BCAS1: variants seen among roughly 807,000 people sequenced by gnomAD.
BCAS1 encodes the protein breast carcinoma-amplified sequence 1.
A neutral mutation model predicts 65.4 loss-of-function variants in BCAS1; 46 were observed. The ratio of observed to expected loss-of-function variants is 0.70; its 90% confidence interval spans 0.55 to 0.90. The LOEUF (loss-of-function observed/expected upper bound fraction) is 0.90. Among genes scored for constraint, BCAS1 ranks in the 40% least tolerant of loss-of-function variants. The pLI is 0.00. For missense variants in BCAS1, 793 were observed against 771.2 expected (o/e 1.03, Z -0.33); for synonymous variants, 298 against 293.5 (o/e 1.02, Z -0.16).
chr20:53,983,146 A>T (rs550069514), intron 8 of BCAS1, among the ~76,000 whole-genome samples: 7 of 152,244 alleles, frequency 4.6e-5, no homozygotes, highest in Admixed American at 4.6e-4. Flanking sequence ...GAACCACTGT[A>T]TCTCTTGTAG....
intron 4 of BCAS1, among the ~76,000 whole-genome samples, chr20:54,011,798 T>C (rs2091326794): frequency 1.3e-5 from 2 of 152,160 alleles, no homozygotes; most frequent in Admixed American, 1.3e-4. Context: ...TGACCCTGGG[T>C]GGCTGAGCCA....
Position 54,008,639 on chromosome 20 carries a change from G to A in BCAS1, c.724-12589C>T, listed in dbSNP as rs1026765584. Among the ~76,000 whole-genome samples the A allele has an allele frequency of 6.6e-5, 10 of 152,136 alleles. No homozygotes were observed. In the East Asian group the frequency reaches 1.2e-3, roughly 18 times the overall value. Reference sequence around the variant, plus strand: ...CCGGGACAGCCAGCTAAAATAGAAAGTTTAAGCAAGATGCAGTCTCATAAT... The same window carrying A: ...CCGGGACAGCCAGCTAAAATAGAAAATTTAAGCAAGATGCAGTCTCATAAT... On this transcript the variant is annotated intron_variant, in intron 4 of 12. Transcript: ENST00000688948.
At chr20:54,055,146 A>G (rs2092277366) in intron 3 of BCAS1, among the ~76,000 whole-genome samples, 1 of 152,216 alleles carries the variant, frequency 6.6e-6, no homozygotes, top group South Asian at 2.1e-4. Flanking sequence ...ATTAAACATA[A>G]GAAGATAATT....
Position 53,954,336 on chromosome 20 carries a change from G to GAGAGAGAGAGAGAGAGA in BCAS1, c.1552-642_1552-641insTCTCTCTCTCTCTCTCT, listed in dbSNP as rs1159772238. On this transcript the variant is annotated intron_variant, in intron 11 of 12. Transcript: ENST00000688948. ...GAGAGAGAGAGAGAGAGAGAGAGAG[G>GAGAGAGAGAGAGAGAGA]GACCAGGCATTGATGGTATCATGCG... 2.7e-3 allele frequency among the ~76,000 whole-genome samples: 230 copies of GAGAGAGAGAGAGAGAGA among 84,002 alleles called. 4 individuals are homozygous for GAGAGAGAGAGAGAGAGA. Among genetic ancestry groups the GAGAGAGAGAGAGAGAGA allele is most frequent in the Non-Finnish European group, 3.1e-3 (119 of 37,784 alleles). 55.1% of individuals were successfully genotyped at this position (84,002 alleles called of 152,430 possible). A position where few individuals can be genotyped will look rare whatever the true frequency, so the allele number is the denominator to read the frequency against.
At chr20:54,050,512 G>A (rs574754475) in intron 3 of BCAS1, among the ~76,000 whole-genome samples, 2 of 152,330 alleles carry the variant, frequency 1.3e-5, no homozygotes, top group South Asian at 2.1e-4. Flanking sequence ...GGTTCTATGG[G>A]AGAGGATGAA....
At chr20:53,984,443 T>C (rs997370452) in intron 8 of BCAS1, among the ~76,000 whole-genome samples, 2 of 152,154 alleles carry the variant, frequency 1.3e-5, no homozygotes, top group African/African-American at 4.8e-5. Flanking sequence ...TCCAGCTGGA[T>C]TCTGGACGAC....
At chr20:54,055,143 A>G (rs1451824914) in intron 3 of BCAS1, among the ~76,000 whole-genome samples, 2 of 152,208 alleles carry the variant, frequency 1.3e-5, no homozygotes, top group South Asian at 4.1e-4. Flanking sequence ...CATATTAAAC[A>G]TAAGAAGATA....
At chr20:53,967,858 GT>G (rs1445767760) in intron 9 of BCAS1, among the ~76,000 whole-genome samples, 1 of 152,340 alleles carries the variant, frequency 6.6e-6, no homozygotes, top group East Asian at 1.9e-4. Flanking sequence ...ATCTGGGACA[GT>G]TTCTGCATTT....
At chr20:53,956,465 G>C (rs116320356) in intron 11 of BCAS1, among the ~76,000 whole-genome samples, 181 of 152,326 alleles carry the variant, frequency 1.2e-3, no homozygotes, top group African/African-American at 4.2e-3. Flanking sequence ...ATGGCATTTT[G>C]TTATGGCAGC....
chr20:53,945,819 C>T (rs1466982183), intron 12 of BCAS1, among the ~76,000 whole-genome samples: 1 of 152,106 alleles, frequency 6.6e-6, no homozygotes, highest in Non-Finnish European at 1.5e-5. Context: ...GTTGCCTAGG[C>T]TGAAGTACAG....
At chr20:53,981,395 A>G (rs1600772028) in intron 8 of BCAS1, among the ~76,000 whole-genome samples, 2 of 152,314 alleles carry the variant, frequency 1.3e-5, no homozygotes, top group South Asian at 4.1e-4. Context: ...TAAGTTCTTA[A>G]GTCTATTTTG....
chr20:54,041,604 TG>T (rs2091993012), intron 3 of BCAS1, among the ~76,000 whole-genome samples: 1 of 152,010 alleles, frequency 6.6e-6, no homozygotes, highest in Admixed American at 6.6e-5. Context: ...CAGCTGTGGC[TG>T]GGTACGGTGG....
intron 7 of BCAS1, among the ~76,000 whole-genome samples, chr20:53,991,583 C>T (rs978087057): frequency 3.3e-5 from 5 of 152,168 alleles, no homozygotes; most frequent in South Asian, 2.1e-4. Context: ...CAAACACTGG[C>T]GTCTTCTTAG....
chr20:54,065,912 A>G (rs1243336426), intron 1 of BCAS1, among the ~76,000 whole-genome samples: 1 of 152,162 alleles, frequency 6.6e-6, no homozygotes, highest in Non-Finnish European at 1.5e-5. Context: ...TGAGGAATAG[A>G]GATAAGCTGT....
chr20:54,065,101 GTATCTATCTATCATCTATC>G (rs1224453166), intron 1 of BCAS1, among the ~76,000 whole-genome samples: 1 of 146,034 alleles, frequency 6.8e-6, no homozygotes, highest in Admixed American at 6.9e-5. Context: ...TTTATGATGA[GTATCTATCTATCATCTATC>G]TATCTATCTA....
intron 10 of BCAS1, among the ~76,000 whole-genome samples, chr20:53,962,105 C>A (rs967912755): frequency 2.6e-5 from 4 of 152,194 alleles, no homozygotes; most frequent in Admixed American, 6.5e-5. Context: ...CTTCAGAAAT[C>A]TTTCCTTAAA....
intron 4 of BCAS1, among the ~76,000 whole-genome samples, chr20:54,015,333 C>CTTT (rs557558034): frequency 6.8e-6 from 1 of 147,928 alleles, no homozygotes; most frequent in Non-Finnish European, 1.5e-5. Flanking sequence ...TGCCCAAACT[C>CTTT]TTTTTTTTTT....
chr20:53,976,113 C>A (rs1437645252), intron 8 of BCAS1, among the ~76,000 whole-genome samples: 1 of 152,200 alleles, frequency 6.6e-6, no homozygotes, highest in Non-Finnish European at 1.5e-5. Context: ...CATATACAGT[C>A]CTGCCCCAAG....
rs565448520 is a variant in BCAS1, at chr20:54,004,690, G to A, written c.724-8640C>T. On this transcript the variant is annotated intron_variant, in intron 4 of 12. Transcript: ENST00000688948. ...TTACATTACATACAAGCTGTGCAGA[G>A]GCCACACAGCATTAGCATGGGCTCT... Among the ~76,000 whole-genome samples the A allele has an allele frequency of 3.3e-5, 5 of 152,256 alleles. No homozygotes were observed. The East Asian group carries it at 9.7e-4, about 29-fold the overall frequency.
Sources: gnomAD v4.1 joint callset for allele counts (sites outside exome capture counted in the v4.1 genomes callset) on GRCh38, gnomAD v4.1.1 for gene constraint, MANE v1.5 for transcripts, NCBI Gene and HGNC (gene_info 2026-07-23, HGNC 2026-07-21) for gene names.